Variants in NHERF4 observed in about 807,000 individuals in gnomAD.
NHERF4 encodes the protein NHERF family PDZ scaffold protein 4, also known as Na(+)/H(+) exchange regulatory cofactor NHE-RF4.
chr11:119,188,448 T>G, the NHERF4 span: 18 of 1,612,732 alleles, frequency 1.1e-5, no homozygotes, highest in South Asian at 1.9e-4. Context: ...GGGGAGAGCG[T>G]GGAGGGGCTG....
the NHERF4 span, chr11:119,189,664 AG>A: frequency 1.4e-6 from 1 of 724,688 alleles, no homozygotes; most frequent in Non-Finnish European, 2.4e-6. This position sits in a 1 kb window ranked among gnomAD's most constrained non-coding sequence, Gnocchi z 5.8. Flanking sequence ...CTGCCAGCAG[AG>A]GGTGTGGTTG....
the NHERF4 span, chr11:119,186,216 GC>G: frequency 6.2e-7 from 1 of 1,614,052 alleles, no homozygotes; most frequent in African/African-American, 1.3e-5. This position sits in a 1 kb window ranked among gnomAD's most constrained non-coding sequence, Gnocchi z 4.4. Flanking sequence ...AGGCACCACG[GC>G]TCCACACGGC....
the NHERF4 span, chr11:119,190,123 G>A: frequency 4.9e-6 from 3 of 613,950 alleles, no homozygotes; most frequent in Middle Eastern, 4.4e-4. This position sits in a 1 kb window ranked among gnomAD's most constrained non-coding sequence, Gnocchi z 4.2. Context: ...ACCCAGAACT[G>A]AGATGTCTGT....
the NHERF4 span, chr11:119,188,346 A>T: frequency 8.1e-6 from 13 of 1,613,696 alleles, no homozygotes; most frequent in South Asian, 1.4e-4. Flanking sequence ...GAGGATGTCT[A>T]TGCCCCAGGA....
chr11:119,186,153 C>T, the NHERF4 span: 26 of 1,614,012 alleles, frequency 1.6e-5, no homozygotes, highest in Non-Finnish European at 2.1e-5. The surrounding 1 kb of genome is among the most constrained non-coding windows in gnomAD (Gnocchi z 4.4). Context: ...GGCCGAAGAC[C>T]ACGACCCCTA....
At chr11:119,189,165 T>C in the NHERF4 span, 2 of 1,612,838 alleles carry the variant, frequency 1.2e-6, no homozygotes, top group African/African-American at 1.3e-5. The surrounding 1 kb of genome is among the most constrained non-coding windows in gnomAD (Gnocchi z 5.8). Context: ...GCCAGGTCTC[T>C]GCGGGGCTTG....
the NHERF4 span, chr11:119,185,684 C>A: frequency 1.3e-6 from 1 of 770,496 alleles, no homozygotes; most frequent in Non-Finnish European, 2.2e-6. Flanking sequence ...CTGGTCCACA[C>A]CCTGTACTGA....
At chr11:119,186,192 T>C in the NHERF4 span, 8 of 1,613,954 alleles carry the variant, frequency 5.0e-6, no homozygotes, top group African/African-American at 5.3e-5. The surrounding 1 kb of genome is among the most constrained non-coding windows in gnomAD (Gnocchi z 4.4). Context: ...CTGGCAACCA[T>C]TCCCTATCCC....
chr11:119,186,708 G>T, the NHERF4 span: 1 of 1,582,834 alleles, frequency 6.3e-7, no homozygotes, highest in South Asian at 1.1e-5. This position sits in a 1 kb window ranked among gnomAD's most constrained non-coding sequence, Gnocchi z 4.4. Flanking sequence ...TGTGGTCCAG[G>T]AGAGCATGCT....
At chr11:119,186,387 A>G in the NHERF4 span, 1 of 1,555,424 alleles carries the variant, frequency 6.4e-7, no homozygotes, top group Non-Finnish European at 8.8e-7. The surrounding 1 kb of genome is among the most constrained non-coding windows in gnomAD (Gnocchi z 4.4). Context: ...CCAGCACCCT[A>G]TCAGGACACA....
chr11:119,186,641 G>A, the NHERF4 span: 9 of 1,612,224 alleles, frequency 5.6e-6, no homozygotes, highest in Non-Finnish European at 7.6e-6. The surrounding 1 kb of genome is among the most constrained non-coding windows in gnomAD (Gnocchi z 4.4). Flanking sequence ...GAAGGAGACA[G>A]GATCCTGGCG....
chr11:119,186,390 A>T, the NHERF4 span: 2 of 1,561,738 alleles, frequency 1.3e-6, no homozygotes, highest in Non-Finnish European at 1.8e-6. The surrounding 1 kb of genome is among the most constrained non-coding windows in gnomAD (Gnocchi z 4.4). Context: ...GCACCCTATC[A>T]GGACACAGGG....
the NHERF4 span, chr11:119,188,385 TG>T: frequency 6.2e-7 from 1 of 1,613,824 alleles, no homozygotes; most frequent in East Asian, 2.2e-5. Flanking sequence ...GACCCGGGAC[TG>T]CCAGCCAAGA....
the NHERF4 span, chr11:119,190,030 G>C: frequency 2.3e-6 from 1 of 439,704 alleles, no homozygotes; most frequent in Non-Finnish European, 4.0e-6. This position sits in a 1 kb window ranked among gnomAD's most constrained non-coding sequence, Gnocchi z 4.2. Context: ...TCAAGGGGTG[G>C]GATGCGGCTC....
chr11:119,185,552 AGGCAGGG>A, the NHERF4 span: 8 of 1,593,704 alleles, frequency 5.0e-6, no homozygotes, highest in Non-Finnish European at 6.0e-6. Flanking sequence ...ACTTTGGGAC[AGGCAGGG>A]GGCCGACTTG....
the NHERF4 span, chr11:119,186,146 C>T: frequency 1.3e-5 from 21 of 1,613,972 alleles, no homozygotes; most frequent in African/African-American, 6.7e-5. This position sits in a 1 kb window ranked among gnomAD's most constrained non-coding sequence, Gnocchi z 4.4. Flanking sequence ...TCTCCCTGGC[C>T]GAAGACCACG....
chr11:119,189,121 T>A, the NHERF4 span: 12 of 1,614,008 alleles, frequency 7.4e-6, no homozygotes, highest in Non-Finnish European at 1.0e-5. The surrounding 1 kb of genome is among the most constrained non-coding windows in gnomAD (Gnocchi z 5.8). Context: ...AGCAGCTGCC[T>A]GAGGCTGAGC....
At chr11:119,188,591 T>C in the NHERF4 span, 3 of 1,607,260 alleles carry the variant, frequency 1.9e-6, no homozygotes, top group Non-Finnish European at 2.6e-6. Context: ...GGGGCAGGAG[T>C]GGGGCAGGGC....
the NHERF4 span, chr11:119,186,767 C>T: frequency 6.7e-6 from 9 of 1,350,542 alleles, no homozygotes; most frequent in South Asian, 1.0e-4. This position sits in a 1 kb window ranked among gnomAD's most constrained non-coding sequence, Gnocchi z 4.4. Context: ...GGCAGTATGG[C>T]AGCAGGGCAC....
Sources: gnomAD v4.1 joint callset for allele counts on GRCh38, gnomAD v4.1.1 for gene constraint, Gnocchi (gnomAD v3.1) non-coding constraint, MANE v1.5 for transcripts, NCBI Gene and HGNC (gene_info 2026-07-23, HGNC 2026-07-21) for gene names.